Variants in SPOCK1 observed in about 807,000 individuals in gnomAD.
SPOCK1 encodes testican-1.
Under a neutral mutation model 55.3 loss-of-function variants are expected in SPOCK1, and 23 were observed. That is an observed-to-expected ratio of 0.42 (90% CI 0.30 to 0.59). The LOEUF (loss-of-function observed/expected upper bound fraction) is 0.59. SPOCK1 is among the 20% of genes least tolerant of loss of function. SPOCK1 has a pLI of 0.22. For missense variants in SPOCK1, 499 were observed against 552.5 expected (o/e 0.90, Z 0.97); for synonymous variants, 226 against 221.0 (o/e 1.02, Z -0.20).
intron 2 of SPOCK1, among the ~76,000 whole-genome samples, chr5:137,279,901 C>T (rs115972326): frequency 3.0e-3 from 451 of 152,212 alleles, no homozygotes; most frequent in African/African-American, 0.011. Flanking sequence ...TAGTCTTCTG[C>T]CTGCCCTCTT....
intron 3 of SPOCK1, among the ~76,000 whole-genome samples, chr5:137,173,579 A>C (rs982148088): frequency 2.0e-5 from 3 of 152,232 alleles, no homozygotes; most frequent in Non-Finnish European, 4.4e-5. Flanking sequence ...ACAAAAACTA[A>C]ACACCACCAA....
intron 2 of SPOCK1, among the ~76,000 whole-genome samples, chr5:137,293,931 G>C (rs1757428925): frequency 6.6e-6 from 1 of 152,146 alleles, no homozygotes; most frequent in Non-Finnish European, 1.5e-5. Context: ...GCAGGAGAAT[G>C]GCATGAACCC....
intron 2 of SPOCK1, among the ~76,000 whole-genome samples, chr5:137,267,267 G>A (rs530278194): frequency 6.6e-6 from 1 of 152,284 alleles, no homozygotes; most frequent in East Asian, 1.9e-4. Context: ...ATTCAATACT[G>A]GGAATAGTAA....
chr5:137,424,891 G>A (rs1330590928), intron 2 of SPOCK1, among the ~76,000 whole-genome samples: 1 of 152,110 alleles, frequency 6.6e-6, no homozygotes, highest in Admixed American at 6.5e-5. Context: ...TCTTGATGGT[G>A]GTGGTATTTA....
chr5:137,214,235 G>GA (rs1755670968), intron 3 of SPOCK1, among the ~76,000 whole-genome samples: 1 of 151,936 alleles, frequency 6.6e-6, no homozygotes, highest in African/African-American at 2.4e-5. Flanking sequence ...TTTTACAAAG[G>GA]AAAAAAACTG....
chr5:137,201,044 G>C (rs928632326), intron 3 of SPOCK1, among the ~76,000 whole-genome samples: 1 of 152,122 alleles, frequency 6.6e-6, no homozygotes, highest in Non-Finnish European at 1.5e-5. Context: ...CTTGGGGAAA[G>C]AAAATAACAA....
intron 3 of SPOCK1, among the ~76,000 whole-genome samples, chr5:137,243,302 T>C (rs1303505035): frequency 1.3e-5 from 2 of 152,204 alleles, no homozygotes; most frequent in Non-Finnish European, 2.9e-5. Context: ...CTCTTAAAAT[T>C]ACAATGAAAC....
At chr5:137,408,620 C>T (rs570811613) in intron 2 of SPOCK1, among the ~76,000 whole-genome samples, 22 of 152,302 alleles carry the variant, frequency 1.4e-4, no homozygotes, top group African/African-American at 4.3e-4. Context: ...CTGTGGCCAA[C>T]GTGAAAGGAA....
intron 6 of SPOCK1, among the ~76,000 whole-genome samples, chr5:137,018,147 G>A (rs1751488057): frequency 6.6e-6 from 1 of 152,204 alleles, no homozygotes; most frequent in African/African-American, 2.4e-5. Flanking sequence ...GTAGAGGCCA[G>A]GGATGTTGTT....
chr5:137,096,763 CAT>C (rs144753173), intron 5 of SPOCK1, among the ~76,000 whole-genome samples: 14,189 of 152,236 alleles, frequency 0.093, 817 homozygotes, highest in East Asian at 0.23. Flanking sequence ...ATTATGTAAA[CAT>C]ATTTAAAATC....
At chr5:137,412,581 C>G (rs1752233218) in intron 2 of SPOCK1, among the ~76,000 whole-genome samples, 1 of 152,122 alleles carries the variant, frequency 6.6e-6, no homozygotes, top group South Asian at 2.1e-4. Flanking sequence ...ATGAAAGGAA[C>G]CAGGTTGACC....
intron 3 of SPOCK1, among the ~76,000 whole-genome samples, chr5:137,225,692 A>G (rs1343630822): frequency 6.6e-6 from 1 of 152,190 alleles, no homozygotes; most frequent in Admixed American, 6.5e-5. Context: ...GGGAAAACAC[A>G]GGTTTCTGGC....
At chr5:137,221,663 C>G (rs1755850280) in intron 3 of SPOCK1, among the ~76,000 whole-genome samples, 1 of 152,082 alleles carries the variant, frequency 6.6e-6, no homozygotes, top group Non-Finnish European at 1.5e-5. Flanking sequence ...AATATCAGAA[C>G]CATTCATTAT....
At chr5:137,474,915 G>C (rs1753806893) in intron 2 of SPOCK1, among the ~76,000 whole-genome samples, 3 of 152,142 alleles carry the variant, frequency 2.0e-5, no homozygotes, top group Admixed American at 2.0e-4. Context: ...CTATAGGAAA[G>C]GACCATTAAT....
chr5:137,191,612 A>G (rs1755180492), intron 3 of SPOCK1, among the ~76,000 whole-genome samples: 1 of 152,236 alleles, frequency 6.6e-6, no homozygotes, highest in African/African-American at 2.4e-5. Context: ...CAATAGATCA[A>G]TCATACTTTC....
intron 3 of SPOCK1, among the ~76,000 whole-genome samples, chr5:137,180,267 G>T (rs1247486973): frequency 6.6e-6 from 1 of 151,114 alleles, no homozygotes; most frequent in African/African-American, 2.4e-5. Flanking sequence ...ACAGCAAAAA[G>T]ATGCACATGT....
At chr5:137,269,044 C>T (rs1218225528) in intron 2 of SPOCK1, among the ~76,000 whole-genome samples, 1 of 18,640 alleles carries the variant, frequency 5.4e-5, no homozygotes, top group Admixed American at 6.7e-4. Context: ...TTGAAGCATT[C>T]TTCTGGACCT....
chr5:137,297,912 A>G lies in SPOCK1; in HGVS notation c.187-30857T>C, dbSNP rs375475524. On this transcript the variant is annotated intron_variant, in intron 2 of 10. Coordinates refer to ENST00000394945, the MANE Select transcript of SPOCK1 (RefSeq NM_004598.4). Reference sequence around the variant, plus strand: ...TTTCATCAGAAAAGAGCGTGGTACAATTTCAAAATCTCATCAAGACAGGAA... The same window carrying G: ...TTTCATCAGAAAAGAGCGTGGTACAGTTTCAAAATCTCATCAAGACAGGAA... Among the ~76,000 whole-genome samples the G allele has an allele frequency of 3.3e-5, 5 of 152,118 alleles. No homozygotes were observed. In the East Asian group the frequency reaches 7.7e-4, roughly 23 times the overall value.
chr5:137,426,382 C>A (rs892096326), intron 2 of SPOCK1, among the ~76,000 whole-genome samples: 1 of 152,196 alleles, frequency 6.6e-6, no homozygotes, highest in Middle Eastern at 3.2e-3. Flanking sequence ...TGAACGCACA[C>A]CTTTTCAGGA....
Sources: allele counts gnomAD v4.1 joint callset (sites outside exome capture counted in the v4.1 genomes callset), GRCh38; gene constraint gnomAD v4.1.1; transcripts MANE v1.5; gene names NCBI Gene and HGNC (gene_info 2026-07-23, HGNC 2026-07-21).